LRPPRC: variants seen among roughly 807,000 people sequenced by gnomAD.
LRPPRC encodes leucine rich pentatricopeptide repeat containing.
Under a neutral mutation model 180.3 loss-of-function variants are expected in LRPPRC, and 120 were observed. The observed-to-expected ratio is 0.67, with a 90% CI of 0.57 to 0.77. LRPPRC has a LOEUF of 0.77. Ranked by LOEUF, LRPPRC falls within the 30% of genes least tolerant of loss-of-function variation. LRPPRC has a pLI of 0.00. For synonymous variants in LRPPRC, 723 were observed against 600.0 expected, an observed-to-expected ratio of 1.21 and a Z score of -3.00; for missense variants, 2,012 against 1,657.2, an observed-to-expected ratio of 1.21 and a Z score of -3.72.
At chr2:43,980,588 GA>G (rs1191032057) in intron 2 of LRPPRC, among the ~76,000 whole-genome samples, 1 of 70,164 alleles carries the variant, frequency 1.4e-5, no homozygotes, top group Non-Finnish European at 3.5e-5. Flanking sequence ...GAAAGAAAGA[GA>G]GAGAGAGAGA....
At chr2:43,907,008 C>T (rs1553393300) in intron 30 of LRPPRC, among the ~76,000 whole-genome samples, 1 of 152,178 alleles carries the variant, frequency 6.6e-6, no homozygotes, top group Non-Finnish European at 1.5e-5. Context: ...CAATCTTTCA[C>T]ATGATTAAAT....
At chr2:43,892,446 G>A (rs1179537899) in intron 36 of LRPPRC, among the ~76,000 whole-genome samples, 1 of 152,118 alleles carries the variant, frequency 6.6e-6, no homozygotes, top group Non-Finnish European at 1.5e-5. Context: ...AAGCCTAGAG[G>A]ACAGCATGGA....
At position 43,954,255 on chromosome 2, in the gene LRPPRC, T is replaced by C. The variant is rs72879106; in HGVS notation, c.1649+3130A>G. ...CCCTCAAATGCAATACCTTACAAAT[T>C]GACAACAAAAATTGTATGACCTAGT... On this transcript the variant is annotated intron_variant, in intron 14 of 37. Coordinates refer to ENST00000260665, the MANE Select transcript of LRPPRC (RefSeq NM_133259.4). Among the ~76,000 whole-genome samples, 638 of 152,300 alleles carry C rather than the reference T, an allele frequency of 4.2e-3. 7 individuals are homozygous for C. The highest frequency in any genetic ancestry group is 0.014 in the African/African-American group (589 of 41,566).
intron 22 of LRPPRC, 29 bp from the exon 23 acceptor site, chr2:43,943,923 A>G: frequency 6.5e-7 from 1 of 1,531,818 alleles, no homozygotes; most frequent in African/African-American, 1.4e-5. Flanking sequence ...AAAGACCCTT[A>G]GGTAATTTCA....
intron 7 of LRPPRC, 149 bp from the exon 8 acceptor site, chr2:43,974,907 TCAA>T: frequency 1.0e-6 from 1 of 954,366 alleles, no homozygotes; most frequent in Non-Finnish European, 1.6e-6. Flanking sequence ...ATACTCTACT[TCAA>T]CAGTAACTGT....
chr2:43,912,445 C>T lies in LRPPRC; in HGVS notation c.3262G>A (p.Glu1088Lys). 1 of 1,610,000 alleles carries T rather than the reference C, an allele frequency of 6.2e-7. No homozygotes were observed. The highest frequency in any genetic ancestry group is 8.5e-7 in the Non-Finnish European group (1 of 1,176,464). Residue 1088 changes from glutamate to lysine, a missense_variant, in exon 30 of 38, where the codon GAA becomes AAA. By Grantham distance (56) the Glu-to-Lys change is moderately conservative (BLOSUM62 1). Transcript: ENST00000260665. ...ACTAACACTTACAATGCTTTCACTT[C>T]CATTGCTTGTGTAAAATAATCTTCT... is the stretch of plus-strand genomic sequence containing the variant. Reference protein sequence around the residue: ...MSEDYFTQAMEVKAFAETHIK... With the variant: ...MSEDYFTQAMKVKAFAETHIK...
chr2:43,934,146 G>T, intron 25 of LRPPRC, 44 bp downstream of exon 25: 1 of 1,086,558 alleles, frequency 9.2e-7, no homozygotes, highest in Non-Finnish European at 1.4e-6. Context: ...CTAATTAAGA[G>T]TCTAAATAGC....
intron 1 of LRPPRC, among the ~76,000 whole-genome samples, chr2:43,987,876 G>C (rs1357324170): frequency 1.3e-5 from 2 of 151,976 alleles, no homozygotes; most frequent in Admixed American, 1.3e-4. Context: ...GCACTGGCTA[G>C]AATATTCTTA....
intron 13 of LRPPRC, chr2:43,959,183 T>A (rs1673238184): frequency 1.4e-6 from 1 of 716,362 alleles, no homozygotes; most frequent in African/African-American, 1.7e-5. Context: ...ATTCCTCTGC[T>A]AATGCTTCTC....
intron 23 of LRPPRC, among the ~76,000 whole-genome samples, chr2:43,939,543 T>C (rs919566568): frequency 6.6e-6 from 1 of 152,094 alleles, no homozygotes; most frequent in Non-Finnish European, 1.5e-5. Flanking sequence ...AAAAACAAAC[T>C]ATCTTACAAA....
At chr2:43,939,479 GA>G (rs369612074) in intron 23 of LRPPRC, among the ~76,000 whole-genome samples, 1 of 151,612 alleles carries the variant, frequency 6.6e-6, no homozygotes, top group Non-Finnish European at 1.5e-5. Flanking sequence ...TGTGGGGGGA[GA>G]AAAAAGTTTA....
At chr2:43,993,700 AC>A (rs889011615) in intron 1 of LRPPRC, among the ~76,000 whole-genome samples, 3 of 151,584 alleles carry the variant, frequency 2.0e-5, no homozygotes, top group African/African-American at 7.3e-5. Context: ...GGTGAACAAG[AC>A]AAAGTCCTGC....
At chr2:43,986,839 G>A (rs1222790611) in intron 1 of LRPPRC, among the ~76,000 whole-genome samples, 1 of 152,174 alleles carries the variant, frequency 6.6e-6, no homozygotes, top group Non-Finnish European at 1.5e-5. Flanking sequence ...AGACTAGACA[G>A]TGCAAAGTCT....
intron 25 of LRPPRC, among the ~76,000 whole-genome samples, chr2:43,930,568 CTG>C: frequency 6.6e-6 from 1 of 152,316 alleles, no homozygotes; most frequent in South Asian, 2.1e-4. Flanking sequence ...CATAAACAAA[CTG>C]GAGTTCATTT....
intron 14 of LRPPRC, among the ~76,000 whole-genome samples, chr2:43,952,531 G>A (rs1051210451): frequency 6.6e-6 from 1 of 151,868 alleles, no homozygotes; most frequent in Non-Finnish European, 1.5e-5. Flanking sequence ...ACATTTTTTT[G>A]GTCCTCTTTC....
chr2:43,921,142 A>G (rs1671685275), intron 27 of LRPPRC, among the ~76,000 whole-genome samples: 1 of 152,132 alleles, frequency 6.6e-6, no homozygotes, highest in Admixed American at 6.5e-5. Flanking sequence ...AAATACAAAA[A>G]TTAGCCAGGT....
intron 12 of LRPPRC, among the ~76,000 whole-genome samples, chr2:43,961,734 G>A (rs1489283125): frequency 6.6e-6 from 1 of 152,212 alleles, no homozygotes; most frequent in Non-Finnish European, 1.5e-5. Context: ...GCCTAGGCAG[G>A]CTGATCACCT....
chr2:43,921,396 G>A (rs536160749), intron 27 of LRPPRC, among the ~76,000 whole-genome samples: 2 of 152,266 alleles, frequency 1.3e-5, no homozygotes, highest in African/African-American at 2.4e-5. Context: ...CAGCAGTTAA[G>A]ATTCGTATTA....
chr2:43,896,575 A>C, intron 35 of LRPPRC, 59 bp downstream of exon 35: 1 of 1,079,592 alleles, frequency 9.3e-7, no homozygotes, highest in Admixed American at 1.7e-5. Context: ...GTTAAATTCA[A>C]TACTTCTGAG....
Sources: allele counts gnomAD v4.1 joint callset (sites outside exome capture counted in the v4.1 genomes callset), GRCh38; gene constraint gnomAD v4.1.1; transcripts MANE v1.5; gene names NCBI Gene and HGNC (gene_info 2026-07-23, HGNC 2026-07-21).